The following CIRSR variants were observed in gnomAD, a reference collection of about 807,000 sequenced individuals.
The protein encoded by CIRSR is corepressor of RBPJ and splicing regulator.
chr2:174,375,144 C>A, the CIRSR span, among the ~76,000 whole-genome samples: 2 of 152,190 alleles, frequency 1.3e-5, no homozygotes, highest in Admixed American at 1.3e-4. Context: ...TGTTGCCAAT[C>A]TTTCACTACT....
the CIRSR span, among the ~76,000 whole-genome samples, chr2:174,356,324 G>T: frequency 6.6e-6 from 1 of 151,866 alleles, no homozygotes; most frequent in Non-Finnish European, 1.5e-5. Context: ...AAATTAGCTG[G>T]CCGTGGTGGC....
At chr2:174,388,588 T>C in the CIRSR span, among the ~76,000 whole-genome samples, 1 of 152,208 alleles carries the variant, frequency 6.6e-6, no homozygotes, top group East Asian at 1.9e-4. Flanking sequence ...GTAGTCAATG[T>C]TATACATTTC....
At chr2:174,353,097 C>T in the CIRSR span, among the ~76,000 whole-genome samples, 1 of 152,116 alleles carries the variant, frequency 6.6e-6, no homozygotes, top group Non-Finnish European at 1.5e-5. Flanking sequence ...CAGGCTTTAC[C>T]ATTCCATTCA....
At chr2:174,393,465 T>C in the CIRSR span, among the ~76,000 whole-genome samples, 4 of 152,296 alleles carry the variant, frequency 2.6e-5, no homozygotes, top group East Asian at 7.7e-4. Context: ...AAGAACCTAC[T>C]GGACTTTAAT....
At chr2:174,376,800 GGA>G in the CIRSR span, among the ~76,000 whole-genome samples, 2 of 110,296 alleles carry the variant, frequency 1.8e-5, no homozygotes, top group African/African-American at 6.8e-5. Context: ...TCTGTCTCAG[GGA>G]AAAAAAAAAA....
At chr2:174,365,086 C>T in the CIRSR span, among the ~76,000 whole-genome samples, 8 of 152,250 alleles carry the variant, frequency 5.3e-5, no homozygotes, top group East Asian at 3.9e-4. Context: ...ATAGCACCCA[C>T]GTCAACTCCT....
At chr2:174,365,225 C>A in the CIRSR span, among the ~76,000 whole-genome samples, 1 of 152,202 alleles carries the variant, frequency 6.6e-6, no homozygotes, top group Admixed American at 6.5e-5. Flanking sequence ...ACAAGAGTCA[C>A]CTTTGCTCAG....
the CIRSR span, chr2:174,350,621 G>C: frequency 7.3e-7 from 1 of 1,364,828 alleles, no homozygotes; most frequent in South Asian, 1.3e-5. Flanking sequence ...TGAATACTAA[G>C]GAAAAAATAA....
chr2:174,384,218 T>C, the CIRSR span, among the ~76,000 whole-genome samples: 1 of 152,220 alleles, frequency 6.6e-6, no homozygotes. Context: ...TGATACATAT[T>C]ACAACATATA....
the CIRSR span, chr2:174,380,059 T>G: frequency 1.9e-6 from 1 of 536,646 alleles, no homozygotes; most frequent in Non-Finnish European, 3.3e-6. Context: ...ACATTTTATG[T>G]TTTCTCCTCT....
chr2:174,371,927 A>T, the CIRSR span, among the ~76,000 whole-genome samples: 1 of 152,096 alleles, frequency 6.6e-6, no homozygotes, highest in African/African-American at 2.4e-5. Flanking sequence ...CTGGTGAGAC[A>T]TTATTCAATA....
chr2:174,357,418 G>C, the CIRSR span, among the ~76,000 whole-genome samples: 2 of 152,116 alleles, frequency 1.3e-5, no homozygotes, highest in Admixed American at 6.5e-5. Context: ...TCTAGCTAAA[G>C]AAAAAGGAGG....
the CIRSR span, among the ~76,000 whole-genome samples, chr2:174,374,439 G>GT: frequency 1.6e-4 from 24 of 152,204 alleles, no homozygotes; most frequent in Non-Finnish European, 2.8e-4. Flanking sequence ...ATCAGGGGTT[G>GT]TGCCTGTATC....
chr2:174,387,559 C>T, the CIRSR span: 259 of 1,028,230 alleles, frequency 2.5e-4, no homozygotes, highest in African/African-American at 3.9e-3. Flanking sequence ...ATAGCCCTCA[C>T]GGAAAGACAC....
At chr2:174,381,421 G>A in the CIRSR span, among the ~76,000 whole-genome samples, 21 of 152,074 alleles carry the variant, frequency 1.4e-4, no homozygotes, top group Non-Finnish European at 3.1e-4. Flanking sequence ...TTGGGAGGCC[G>A]AGGTAGGTGG....
chr2:174,380,125 C>T, the CIRSR span: 1 of 997,894 alleles, frequency 1.0e-6, no homozygotes, highest in Non-Finnish European at 1.5e-6. Context: ...TCAGCTTAAA[C>T]ACCTTTTAGA....
the CIRSR span, among the ~76,000 whole-genome samples, chr2:174,388,031 T>C: frequency 6.6e-6 from 1 of 152,140 alleles, no homozygotes; most frequent in Non-Finnish European, 1.5e-5. Context: ...CATAATGTTT[T>C]AAGAAAGTTT....
the CIRSR span, among the ~76,000 whole-genome samples, chr2:174,386,918 G>A: frequency 6.6e-6 from 1 of 151,940 alleles, no homozygotes; most frequent in African/African-American, 2.4e-5. Flanking sequence ...GGTTTCTTAA[G>A]GATAAACTAC....
chr2:174,354,980 T>C, the CIRSR span, among the ~76,000 whole-genome samples: 3 of 151,470 alleles, frequency 2.0e-5, no homozygotes, highest in Non-Finnish European at 4.4e-5. Context: ...CTTTTCACAA[T>C]GCAGTCTTAT....
Sources: allele counts gnomAD v4.1 joint callset (sites outside exome capture counted in the v4.1 genomes callset), GRCh38; gene constraint gnomAD v4.1.1; transcripts MANE v1.5; gene names NCBI Gene and HGNC (gene_info 2026-07-23, HGNC 2026-07-21).